RIGI: variants seen among roughly 807,000 people sequenced by gnomAD.
The protein encoded by RIGI is antiviral innate immune response receptor RIG-I.
At chr9:32,509,610 G>A in the RIGI span, among the ~76,000 whole-genome samples, 91,698 of 151,502 alleles carry the variant, frequency 0.61, 27,963 homozygotes, top group Middle Eastern at 0.68. Flanking sequence ...GAAAGACCAA[G>A]GGCAGATAAA....
At chr9:32,458,514 T>C in the RIGI span, among the ~76,000 whole-genome samples, 20 of 152,364 alleles carry the variant, frequency 1.3e-4, no homozygotes, top group East Asian at 5.8e-4. Context: ...TTTGCTGCTG[T>C]TGTTTCACAC....
At chr9:32,498,362 A>G in the RIGI span, 1 of 456,600 alleles carries the variant, frequency 2.2e-6, no homozygotes, top group South Asian at 1.5e-5. Context: ...AGCTTACTGA[A>G]TATTTGGTCA....
At chr9:32,486,453 CAAAA>C in the RIGI span, among the ~76,000 whole-genome samples, 2 of 60,822 alleles carry the variant, frequency 3.3e-5, no homozygotes, top group Non-Finnish European at 3.4e-5. Context: ...GACTCTGTCT[CAAAA>C]AAAAAAAAAA....
At chr9:32,459,289 G>A in the RIGI span, 1 of 1,484,164 alleles carries the variant, frequency 6.7e-7, no homozygotes, top group South Asian at 1.2e-5. Flanking sequence ...AATAATAGTA[G>A]TTTTATTATA....
chr9:32,485,210 G>C, the RIGI span: 6 of 1,609,734 alleles, frequency 3.7e-6, no homozygotes, highest in Non-Finnish European at 4.2e-6. Flanking sequence ...CAGACTCTCT[G>C]TGTCCCTCAT....
chr9:32,481,475 A>G, the RIGI span: 5 of 1,571,512 alleles, frequency 3.2e-6, no homozygotes, highest in South Asian at 5.8e-5. Flanking sequence ...CAAATTCCCT[A>G]TTTTGAATTT....
the RIGI span, among the ~76,000 whole-genome samples, chr9:32,495,922 G>A: frequency 6.6e-6 from 1 of 152,202 alleles, no homozygotes; most frequent in African/African-American, 2.4e-5. Flanking sequence ...CTCCCAAAGT[G>A]CTGGGATTGC....
chr9:32,522,524 T>C, the RIGI span, among the ~76,000 whole-genome samples: 1 of 152,176 alleles, frequency 6.6e-6, no homozygotes, highest in Non-Finnish European at 1.5e-5. Flanking sequence ...GGAGAGCCCA[T>C]ATGGACAATA....
the RIGI span, among the ~76,000 whole-genome samples, chr9:32,475,871 A>C: frequency 6.6e-6 from 1 of 152,190 alleles, no homozygotes; most frequent in Non-Finnish European, 1.5e-5. Context: ...CTGTCAAGAG[A>C]ATAAGCAGAC....
the RIGI span, among the ~76,000 whole-genome samples, chr9:32,497,953 G>A: frequency 6.6e-6 from 1 of 152,126 alleles, no homozygotes; most frequent in African/African-American, 2.4e-5. Context: ...GGTTGGTAAG[G>A]ATTAAAATAA....
the RIGI span, among the ~76,000 whole-genome samples, chr9:32,504,021 A>T: frequency 6.9e-6 from 1 of 145,870 alleles, no homozygotes; most frequent in African/African-American, 2.5e-5. Flanking sequence ...CAGCCTGGGT[A>T]ATAGAGCAAG....
chr9:32,487,638 A>T, the RIGI span: 1 of 1,611,870 alleles, frequency 6.2e-7, no homozygotes, highest in Non-Finnish European at 8.5e-7. Flanking sequence ...AATGACCTGT[A>T]AGGAGCATTC....
At chr9:32,477,796 G>A in the RIGI span, among the ~76,000 whole-genome samples, 107 of 152,026 alleles carry the variant, frequency 7.0e-4, no homozygotes, top group African/African-American at 2.5e-3. Flanking sequence ...GTGGTGATGG[G>A]CGCCTATAAT....
chr9:32,478,013 G>T, the RIGI span, among the ~76,000 whole-genome samples: 1 of 152,118 alleles, frequency 6.6e-6, no homozygotes, highest in Non-Finnish European at 1.5e-5. Context: ...GACTATGGGA[G>T]TCAACTGTTG....
At chr9:32,498,235 C>T in the RIGI span, 1 of 455,726 alleles carries the variant, frequency 2.2e-6, no homozygotes, top group Non-Finnish European at 4.4e-6. Flanking sequence ...CATCAGAGGG[C>T]CAAAAACTCC....
At chr9:32,458,111 G>C in the RIGI span, among the ~76,000 whole-genome samples, 1 of 152,094 alleles carries the variant, frequency 6.6e-6, no homozygotes. Flanking sequence ...TTCTGAAGAC[G>C]AACGGAACAT....
the RIGI span, chr9:32,481,589 T>A: frequency 2.2e-6 from 1 of 464,898 alleles, no homozygotes; most frequent in Non-Finnish European, 3.2e-6. Flanking sequence ...TTTCTTTTTC[T>A]TTTTTTTTTT....
the RIGI span, among the ~76,000 whole-genome samples, chr9:32,515,471 T>C: frequency 6.6e-6 from 1 of 152,234 alleles, no homozygotes; most frequent in Non-Finnish European, 1.5e-5. Flanking sequence ...TAAAATTTTC[T>C]ATTTTTTCCA....
the RIGI span, chr9:32,526,122 A>G: frequency 4.3e-6 from 7 of 1,613,686 alleles, no homozygotes; most frequent in East Asian, 4.5e-5. Context: ...TCTTCCGGAT[A>G]TAATCCTGGA....
Sources: gnomAD v4.1 joint callset for allele counts (sites outside exome capture counted in the v4.1 genomes callset) on GRCh38, gnomAD v4.1.1 for gene constraint, MANE v1.5 for transcripts, NCBI Gene and HGNC (gene_info 2026-07-23, HGNC 2026-07-21) for gene names.